The following CCDC149 variants were observed in gnomAD, a reference collection of about 807,000 sequenced individuals.
CCDC149 encodes the protein coiled-coil domain containing 149.
Under a neutral mutation model 59.9 loss-of-function variants are expected in CCDC149, and 45 were observed. The observed-to-expected ratio is 0.75, with a 90% CI of 0.59 to 0.96. The LOEUF (loss-of-function observed/expected upper bound fraction) is 0.96, where lower values mean the gene tolerates loss of function less well. CCDC149 is among the 40% of genes least tolerant of loss of function. The pLI is 0.00. For missense variants in CCDC149, 584 were observed against 664.7 expected (o/e 0.88, Z 1.33); for synonymous variants, 245 against 260.6 (o/e 0.94, Z 0.58).
intron 1 of CCDC149, among the ~76,000 whole-genome samples, chr4:24,883,568 G>A (rs1029804223): frequency 6.6e-6 from 1 of 152,134 alleles, no homozygotes; most frequent in Non-Finnish European, 1.5e-5. Flanking sequence ...TTATGTCTTG[G>A]AAATCATTCA....
At chr4:24,853,293 C>A (rs1485869340) in intron 3 of CCDC149, 114 bp from the exon 4 acceptor site, 5 of 758,576 alleles carry the variant, frequency 6.6e-6, no homozygotes, top group Non-Finnish European at 1.1e-5. Flanking sequence ...CACACAAAGC[C>A]CGTTATAGTA....
intron 1 of CCDC149, among the ~76,000 whole-genome samples, chr4:24,934,851 G>A (rs1325234345): frequency 1.3e-5 from 2 of 152,198 alleles, no homozygotes; most frequent in East Asian, 3.8e-4. Flanking sequence ...GAAGAAAGTC[G>A]ACTGAGAATA....
At chr4:24,840,792 CTCAGT>C (rs1716888433) in intron 4 of CCDC149, among the ~76,000 whole-genome samples, 2 of 152,148 alleles carry the variant, frequency 1.3e-5, no homozygotes, top group South Asian at 4.2e-4. Flanking sequence ...TGCTGTTGAA[CTCAGT>C]TCAATGTTCA....
chr4:24,907,964 CTG>C (rs147583339), intron 1 of CCDC149, among the ~76,000 whole-genome samples: 2 of 152,312 alleles, frequency 1.3e-5, no homozygotes, highest in African/African-American at 4.8e-5. Flanking sequence ...CTTCTTCCGT[CTG>C]TGTCTTCACA....
At chr4:24,855,444 T>C (rs185112300) in intron 3 of CCDC149, among the ~76,000 whole-genome samples, 27 of 152,166 alleles carry the variant, frequency 1.8e-4, no homozygotes, top group Admixed American at 1.2e-3. Context: ...CACATGCCTA[T>C]AGTCCCAGCT....
At chr4:24,886,799 C>G (rs1200604054) in intron 1 of CCDC149, among the ~76,000 whole-genome samples, 1 of 152,006 alleles carries the variant, frequency 6.6e-6, no homozygotes, top group Non-Finnish European at 1.5e-5. Flanking sequence ...ACGTGGCTGC[C>G]CTTGGTACAC....
chr4:24,803,764 A>T (rs1255049845), downstream of CCDC149, among the ~76,000 whole-genome samples: 1 of 152,210 alleles, frequency 6.6e-6, no homozygotes, highest in African/African-American at 2.4e-5. This position sits in a 1 kb window ranked among gnomAD's most constrained non-coding sequence, Gnocchi z 4.3. Flanking sequence ...AGAAAGTCAA[A>T]CTTTTCAATA....
intron 1 of CCDC149, among the ~76,000 whole-genome samples, chr4:24,886,715 C>T (rs1720199292): frequency 6.6e-6 from 1 of 151,994 alleles, no homozygotes; most frequent in African/African-American, 2.4e-5. Context: ...TTACTTTAAC[C>T]TCTAAGTCTC....
Position 24,912,810 on chromosome 4 carries a change from G to A in CCDC149, c.63+7C>T, listed in dbSNP as rs1721968328. ...CCCATCCCGCCTGGCCGGCGCCGCG[G>A]CCTCACCTCGCTCACCAGCCCCTGC... On this transcript the variant is annotated splice_region_variant and intron_variant, in intron 1 of 12. Transcript: ENST00000635206. 1 of 1,335,920 alleles carries A rather than the reference G, an allele frequency of 7.5e-7. No individual in the cohort carries two copies. 82.8% of individuals were successfully genotyped at this position (1,335,920 alleles called of 1,614,324 possible). A position where few individuals can be genotyped will look rare whatever the true frequency, so the allele number is the denominator to read the frequency against.
intron 4 of CCDC149, among the ~76,000 whole-genome samples, chr4:24,849,496 C>A (rs1183164487): frequency 6.6e-6 from 1 of 152,174 alleles, no homozygotes; most frequent in African/African-American, 2.4e-5. Flanking sequence ...AGGCTCCCCC[C>A]ATCACAGGAC....
intron 1 of CCDC149, among the ~76,000 whole-genome samples, chr4:24,921,992 T>A (rs991739358): frequency 6.6e-6 from 1 of 152,192 alleles, no homozygotes; most frequent in African/African-American, 2.4e-5. Flanking sequence ...TCGGCAGGGT[T>A]GGTCCCTTCC....
At chr4:24,899,489 G>C (rs1317571097) in intron 1 of CCDC149, among the ~76,000 whole-genome samples, 1 of 152,192 alleles carries the variant, frequency 6.6e-6, no homozygotes, top group Non-Finnish European at 1.5e-5. Flanking sequence ...GCACAGCCAG[G>C]ATCGAGTCCT....
chr4:24,934,894 T>C lies in CCDC149; in HGVS notation c.-64-39776A>G, dbSNP rs551625466. Reference sequence around the variant, plus strand: ...TAAACAGTTGATGGAGACAGAGAGGTAGTCAGATTATCATGAGACTTGAAG... The same window carrying C: ...TAAACAGTTGATGGAGACAGAGAGGCAGTCAGATTATCATGAGACTTGAAG... On this transcript the variant is annotated intron_variant, in intron 1 of 12. Transcript: ENST00000389609. Among the ~76,000 whole-genome samples the C allele has an allele frequency of 6.5e-4, 99 of 152,210 alleles. 2 individuals carry two copies. The Middle Eastern group carries it at 0.01, about 16-fold the overall frequency.
chr4:24,887,833 A>C (rs1477477334), intron 1 of CCDC149, among the ~76,000 whole-genome samples: 2 of 151,930 alleles, frequency 1.3e-5, no homozygotes, highest in African/African-American at 2.4e-5. Context: ...TCTGATGTTA[A>C]GGAGATTTGC....
chr4:24,899,609 G>A (rs548332949), intron 1 of CCDC149, among the ~76,000 whole-genome samples: 1 of 152,270 alleles, frequency 6.6e-6, no homozygotes, highest in South Asian at 2.1e-4. Context: ...TGAGTCGAAA[G>A]TGGATAAGGG....
At chr4:24,943,192 A>C (rs1194195609) in intron 1 of CCDC149, among the ~76,000 whole-genome samples, 4 of 152,234 alleles carry the variant, frequency 2.6e-5, no homozygotes, top group African/African-American at 9.6e-5. Flanking sequence ...ACTGGTACCA[A>C]GAGATAAAGA....
upstream of CCDC149, among the ~76,000 whole-genome samples, chr4:24,913,120 C>T (rs1252537509): frequency 2.0e-5 from 3 of 150,940 alleles, no homozygotes; most frequent in South Asian, 2.1e-4. Context: ...CCCGCCGGGC[C>T]CGCCCCGCGC....
chr4:24,889,318 G>A (rs550620350), intron 1 of CCDC149, among the ~76,000 whole-genome samples: 21 of 152,132 alleles, frequency 1.4e-4, no homozygotes, highest in African/African-American at 3.9e-4. Context: ...GGCCATAAAC[G>A]GGCTAGGAAA....
At position 24,912,888 on chromosome 4, in the gene CCDC149, C is replaced by G; in HGVS notation, c.-9G>C. On this transcript the variant is annotated 5_prime_UTR_variant, in exon 1 of 13. Transcript: ENST00000635206. ...ATGGCCTCCTCCTCCATGCGCTGGC[C>G]GGCCTCCTGGACCCCCGCCGCCTCC... The G allele has an allele frequency of 7.4e-7, 1 of 1,346,000 alleles. No homozygotes were observed. The highest frequency in any genetic ancestry group is 9.7e-7 in the Non-Finnish European group (1 of 1,032,174). 83.4% of individuals were successfully genotyped at this position (1,346,000 alleles called of 1,614,324 possible). A position where few individuals can be genotyped will look rare whatever the true frequency, so the allele number is the denominator to read the frequency against.
Sources: gnomAD v4.1 joint callset for allele counts (sites outside exome capture counted in the v4.1 genomes callset) on GRCh38, gnomAD v4.1.1 for gene constraint, Gnocchi (gnomAD v3.1) non-coding constraint, MANE v1.5 for transcripts, NCBI Gene and HGNC (gene_info 2026-07-23, HGNC 2026-07-21) for gene names.